The following GPC5 variants were observed in gnomAD, a reference collection of about 807,000 sequenced individuals.
The protein encoded by GPC5 is glypican 5, also known as glypican-5.
In GPC5, 47 loss-of-function variants were observed where a neutral mutation model predicts 53.9. That is an observed-to-expected ratio of 0.87 (90% CI 0.69 to 1.11). The LOEUF (loss-of-function observed/expected upper bound fraction) is 1.11, where lower values mean the gene tolerates loss of function less well. GPC5 is among the 50% of genes most tolerant of loss of function. The pLI is 0.00. For synonymous variants in GPC5, 286 were observed against 263.3 expected, an observed-to-expected ratio of 1.09 and a Z score of -0.84; for missense variants, 748 against 713.1, an observed-to-expected ratio of 1.05 and a Z score of -0.56.
At position 92,294,879 on chromosome 13, in the gene GPC5, T is replaced by C. The variant is rs543739039; in HGVS notation, c.1561+149890T>C. Among the ~76,000 whole-genome samples, 3 of 147,788 alleles carry C rather than the reference T, an allele frequency of 2.0e-5. No homozygotes were observed. The East Asian group carries it at 6.0e-4, about 29-fold the overall frequency. On this transcript the variant is annotated intron_variant, in intron 7 of 7. Coordinates refer to ENST00000377067, the MANE Select transcript of GPC5 (RefSeq NM_004466.6). ...AGTTTCGCTGTTGTTGCCCAGGCTG[T>C]AGTGCAATGGCATGATCTTGGCTCA...
chr13:91,545,859 T>A (rs1032633806), intron 2 of GPC5, among the ~76,000 whole-genome samples: 6 of 152,178 alleles, frequency 3.9e-5, no homozygotes, highest in African/African-American at 1.4e-4. Flanking sequence ...GCTATCATGT[T>A]TTCAGATATA....
chr13:92,629,103 G>A (rs930391246), intron 7 of GPC5, among the ~76,000 whole-genome samples: 3 of 152,080 alleles, frequency 2.0e-5, no homozygotes, highest in Admixed American at 6.6e-5. Flanking sequence ...TTGGAACAAC[G>A]AGAAAGATCC....
chr13:91,756,505 A>AC, intron 5 of GPC5, 85 bp downstream of exon 5: 1 of 1,202,844 alleles, frequency 8.3e-7, no homozygotes. Context: ...ATTCAGTCTT[A>AC]ACTTTGTCAC....
intron 2 of GPC5, among the ~76,000 whole-genome samples, chr13:91,529,124 T>G (rs1211422145): frequency 6.6e-6 from 1 of 152,234 alleles, no homozygotes; most frequent in East Asian, 1.9e-4. Context: ...GCAAAACTAC[T>G]TTTGGCTTCT....
At chr13:92,355,048 T>G (rs962153331) in intron 7 of GPC5, among the ~76,000 whole-genome samples, 1 of 151,580 alleles carries the variant, frequency 6.6e-6, no homozygotes, top group Non-Finnish European at 1.5e-5. Flanking sequence ...ATATGCAGAT[T>G]AGCATAATAT....
intron 2 of GPC5, among the ~76,000 whole-genome samples, chr13:91,683,907 T>C (rs1007903506): frequency 1.3e-5 from 2 of 152,218 alleles, no homozygotes; most frequent in African/African-American, 4.8e-5. Flanking sequence ...TTGCAAGAAG[T>C]TGTCCATAAC....
intron 2 of GPC5, among the ~76,000 whole-genome samples, chr13:91,690,497 G>A (rs181903629): frequency 8.5e-5 from 13 of 152,138 alleles, no homozygotes; most frequent in African/African-American, 3.1e-4. Context: ...ATGATATTTG[G>A]AAATGCTATA....
At chr13:92,572,249 C>T (rs1883050392) in intron 7 of GPC5, among the ~76,000 whole-genome samples, 1 of 152,142 alleles carries the variant, frequency 6.6e-6, no homozygotes, top group Admixed American at 6.6e-5. Context: ...AATAATAGAA[C>T]TATCATCTCT....
intron 2 of GPC5, among the ~76,000 whole-genome samples, chr13:91,595,046 A>T: frequency 6.8e-6 from 1 of 147,266 alleles, no homozygotes; most frequent in Non-Finnish European, 1.5e-5. Context: ...TTATTTCTAG[A>T]CGGAGACTCA....
chr13:91,466,111 C>A (rs570709444), intron 2 of GPC5, among the ~76,000 whole-genome samples: 2 of 152,298 alleles, frequency 1.3e-5, no homozygotes, highest in East Asian at 3.9e-4. Flanking sequence ...GGTGCCCAGT[C>A]AAGGAGCAGA....
intron 6 of GPC5, among the ~76,000 whole-genome samples, chr13:92,037,402 C>G (rs914347325): frequency 5.9e-5 from 9 of 152,160 alleles, no homozygotes; most frequent in African/African-American, 2.2e-4. Flanking sequence ...GTTTTACAGT[C>G]ACCTCTCTAA....
At chr13:92,069,925 C>T (rs181215192) in intron 6 of GPC5, among the ~76,000 whole-genome samples, 3 of 152,098 alleles carry the variant, frequency 2.0e-5, no homozygotes, top group Non-Finnish European at 4.4e-5. Context: ...ATCCTTGAGA[C>T]CTGAATATGC....
intron 6 of GPC5, among the ~76,000 whole-genome samples, chr13:91,917,412 T>A (rs2039670119): frequency 6.6e-6 from 1 of 152,170 alleles, no homozygotes; most frequent in Non-Finnish European, 1.5e-5. Flanking sequence ...CCAGCTGCTT[T>A]CGTGGGCTGG....
chr13:92,758,817 A>C (rs1251155320), intron 7 of GPC5, among the ~76,000 whole-genome samples: 1 of 152,036 alleles, frequency 6.6e-6, no homozygotes, highest in Admixed American at 6.6e-5. Context: ...ACCAGTGTCA[A>C]GGGGATTTCG....
chr13:91,490,820 A>G (rs1280731684), intron 2 of GPC5, among the ~76,000 whole-genome samples: 1 of 152,096 alleles, frequency 6.6e-6, no homozygotes, highest in East Asian at 1.9e-4. Flanking sequence ...TCTTCTTTTT[A>G]TTTTGAACAT....
intron 7 of GPC5, among the ~76,000 whole-genome samples, chr13:92,283,402 T>A (rs981927845): frequency 6.6e-6 from 1 of 152,142 alleles, no homozygotes; most frequent in Non-Finnish European, 1.5e-5. Flanking sequence ...CTAATAGACA[T>A]CTTCAGAACT....
At chr13:92,547,286 A>G (rs1882150719) in intron 7 of GPC5, among the ~76,000 whole-genome samples, 4 of 152,246 alleles carry the variant, frequency 2.6e-5, no homozygotes. Flanking sequence ...ACATTGAATC[A>G]GTGAAGGAAT....
At chr13:91,412,264 A>T (rs192152888) in intron 1 of GPC5, among the ~76,000 whole-genome samples, 1 of 152,342 alleles carries the variant, frequency 6.6e-6, no homozygotes, top group African/African-American at 2.4e-5. Context: ...TGAATTGCTC[A>T]ATCAGCCTAT....
intron 7 of GPC5, among the ~76,000 whole-genome samples, chr13:92,539,441 T>C (rs1229369289): frequency 6.6e-6 from 1 of 152,100 alleles, no homozygotes; most frequent in Non-Finnish European, 1.5e-5. Context: ...CATTTTTTCA[T>C]ATGTTTGTTG....
Sources: gnomAD v4.1 joint callset for allele counts (sites outside exome capture counted in the v4.1 genomes callset) on GRCh38, gnomAD v4.1.1 for gene constraint, MANE v1.5 for transcripts, NCBI Gene and HGNC (gene_info 2026-07-23, HGNC 2026-07-21) for gene names.